The following TRPC5 variants were observed in gnomAD, a reference collection of about 807,000 sequenced individuals.
TRPC5 encodes short transient receptor potential channel 5.
Under a neutral mutation model 56.5 loss-of-function variants are expected in TRPC5, and 9 were observed. The observed-to-expected ratio is 0.16, with a 90% CI of 0.10 to 0.28. The LOEUF (loss-of-function observed/expected upper bound fraction) is 0.28. TRPC5 is among the 10% of genes least tolerant of loss of function. TRPC5 has a pLI of 1.00. For synonymous variants in TRPC5, 282 were observed against 278.5 expected, an observed-to-expected ratio of 1.01 and a Z score of -0.13; for missense variants, 469 against 748.9, an observed-to-expected ratio of 0.63 and a Z score of 4.36.
At chrX:112,034,316 GTT>G (rs796144559) in intron 1 of TRPC5, among the ~76,000 whole-genome samples, 1 of 86,655 alleles carries the variant, frequency 1.2e-5, no homozygotes, top group Non-Finnish European at 2.3e-5. Flanking sequence ...ATCATTTTTT[GTT>G]TTTTTTTTTT....
At chrX:111,959,808 C>A (rs1285368149) in intron 1 of TRPC5, among the ~76,000 whole-genome samples, 1 of 111,656 alleles carries the variant, frequency 9.0e-6, no homozygotes, top group Non-Finnish European at 1.9e-5. Flanking sequence ...CTCCTCTCCA[C>A]AATGACATTT....
rs1930985488 is a variant in TRPC5, at chrX:112,082,143, T to C, written c.-286A>G. On this transcript the variant is annotated 5_prime_UTR_variant, in exon 1 of 11. Transcript: ENST00000262839. ...TATTGCCAAACTTGCCTGTAACAGA[T>C]CGGCCCTCCTCACCTTTCACCTTCG... is the stretch of plus-strand genomic sequence containing the variant. The C allele has an allele frequency of 9.0e-6, 1 of 111,358 alleles. No homozygotes were observed. The highest frequency in any genetic ancestry group is 3.3e-5 in the African/African-American group (1 of 30,518). The allele number at this position is 111,358 out of a possible 1,213,427, so 9.2% of individuals were successfully genotyped here. A position where few individuals can be genotyped will look rare whatever the true frequency, so the allele number is the denominator to read the frequency against.
Position 111,847,096 on chromosome X carries a change from G to A in TRPC5, c.1700+18C>T, listed in dbSNP as rs774074175. 7 of 1,174,009 alleles carry A rather than the reference G, an allele frequency of 6.0e-6. No homozygotes were observed. In the Admixed American group the frequency reaches 1.8e-4, roughly 31 times the overall value. ...CAAAAAAAAAAATAAATAAATAAAG[G>A]AAAGGGGATCGTCTTACGTGGAGAA... On this transcript the variant is annotated intron_variant, in intron 6 of 10. Transcript: ENST00000262839.
intron 1 of TRPC5, among the ~76,000 whole-genome samples, chrX:111,958,877 C>A (rs777355004): frequency 1.8e-5 from 2 of 112,152 alleles, no homozygotes; most frequent in African/African-American, 6.5e-5. Flanking sequence ...CTTCAGAAAC[C>A]ACACACAGAG....
chrX:111,996,809 TTTTTGTTTTG>T (rs201035960), intron 1 of TRPC5, among the ~76,000 whole-genome samples: 11 of 111,455 alleles, frequency 9.9e-5, no homozygotes, highest in South Asian at 3.8e-4. Context: ...ACCCCTGCTT[TTTTTGTTTTG>T]TTTTGTTTTG....
At chrX:111,861,725 A>T (rs1603061688) in intron 3 of TRPC5, among the ~76,000 whole-genome samples, 1 of 111,719 alleles carries the variant, frequency 9.0e-6, no homozygotes, top group South Asian at 3.7e-4. Flanking sequence ...TCGGAAGATG[A>T]GTACTTAGGT....
intron 7 of TRPC5, among the ~76,000 whole-genome samples, chrX:111,820,595 G>T (rs1922002037): frequency 8.9e-6 from 1 of 111,799 alleles, no homozygotes. Flanking sequence ...TACTGCCTAT[G>T]ACCGATTTTG....
chrX:111,905,872 G>A lies in TRPC5; in HGVS notation c.900+6419C>T, dbSNP rs747715794. Among the ~76,000 whole-genome samples, 111 of 99,344 alleles carry A rather than the reference G, an allele frequency of 1.1e-3. No homozygotes were observed. The South Asian group carries it at 0.044, about 40-fold the overall frequency. 86.3% of individuals were successfully genotyped at this position (99,344 alleles called of 115,157 possible). A position where few individuals can be genotyped will look rare whatever the true frequency, so the allele number is the denominator to read the frequency against. ...GGAGCTTGCAGTGAGCCAAGATCGT[G>A]CCACTGCACTCCAGCCTGGGCGACA... On this transcript the variant is annotated intron_variant, in intron 3 of 10. Transcript: ENST00000262839.
chrX:111,944,304 G>GTGTGTGTGTGTGAA (rs1556592186), intron 2 of TRPC5, among the ~76,000 whole-genome samples: 12 of 70,251 alleles, frequency 1.7e-4, no homozygotes, highest in African/African-American at 7.3e-4. Flanking sequence ...GTGTGTGTGT[G>GTGTGTGTGTGTGAA]AGAGAGAGAG....
chrX:112,061,045 A>G (rs1930448311), intron 1 of TRPC5, among the ~76,000 whole-genome samples: 2 of 112,058 alleles, frequency 1.8e-5, no homozygotes, highest in Admixed American at 9.4e-5. Flanking sequence ...CTTCTTTCCA[A>G]TGTTGGGGAT....
chrX:111,905,796 T>C (rs375228017), intron 3 of TRPC5, among the ~76,000 whole-genome samples: 1 of 108,043 alleles, frequency 9.3e-6, no homozygotes, highest in African/African-American at 3.4e-5. Context: ...GCGCCTGTAG[T>C]CCCAGCTACT....
chrX:111,777,355 A>G (rs942662978), intron 10 of TRPC5, among the ~76,000 whole-genome samples: 3 of 111,167 alleles, frequency 2.7e-5, no homozygotes. Flanking sequence ...TAAAAGGACT[A>G]CTGAAGAGGA....
At chrX:112,077,922 G>A (rs1930872324) in intron 1 of TRPC5, among the ~76,000 whole-genome samples, 1 of 111,337 alleles carries the variant, frequency 9.0e-6, no homozygotes. Context: ...GCATGTTTGT[G>A]TGTGTGTGCA....
Position 111,852,340 on chromosome X carries a change from G to A in TRPC5, c.1335C>T (p.Leu445=). 8.3e-7 allele frequency: 1 copy of A among 1,210,459 alleles called. No individual in the cohort carries two copies. The highest frequency in any genetic ancestry group is 1.1e-6 in the Non-Finnish European group (1 of 894,392). Residue 445 remains leucine (L), a synonymous_variant, in exon 5 of 11, where the codon CTC becomes CTT. Transcript: ENST00000262839. ...TCTTCAGGGAAATAGTTGCCAGGTAGAGGGAGTTCATTGCAAAATCCATCA... is the reference window on the plus strand; with the variant it reads ...TCTTCAGGGAAATAGTTGCCAGGTAAAGGGAGTTCATTGCAAAATCCATCA... ...WNLMDFAMNS[L]YLATISLKIV...
At chrX:111,883,212 G>A (rs747615954) in intron 3 of TRPC5, among the ~76,000 whole-genome samples, 1 of 112,389 alleles carries the variant, frequency 8.9e-6, no homozygotes, top group Non-Finnish European at 1.9e-5. Context: ...TGTTGCCCAA[G>A]TCTAGTTTTG....
chrX:111,788,093 G>A (rs759610524), intron 7 of TRPC5, among the ~76,000 whole-genome samples: 4 of 111,314 alleles, frequency 3.6e-5, no homozygotes, highest in South Asian at 7.7e-4. Flanking sequence ...TACCAAAGCC[G>A]GGCAGAGATA....
intron 3 of TRPC5, among the ~76,000 whole-genome samples, chrX:111,890,718 T>A (rs1018742375): frequency 8.9e-5 from 10 of 112,011 alleles, no homozygotes; most frequent in African/African-American, 2.9e-4. Flanking sequence ...AAATAAAAAA[T>A]TTTAACTTTT....
At chrX:112,051,318 A>G (rs1276920733) in intron 1 of TRPC5, among the ~76,000 whole-genome samples, 1 of 112,110 alleles carries the variant, frequency 8.9e-6, no homozygotes, top group East Asian at 2.8e-4. Context: ...CCACAGAGGC[A>G]TTACCACAGC....
chrX:111,820,764 A>C (rs1922006949), intron 7 of TRPC5, among the ~76,000 whole-genome samples: 1 of 111,860 alleles, frequency 8.9e-6, no homozygotes, highest in African/African-American at 3.2e-5. Context: ...ATATTCCGGG[A>C]AGTCTTATAC....
Sources: allele counts gnomAD v4.1 joint callset (sites outside exome capture counted in the v4.1 genomes callset), GRCh38; gene constraint gnomAD v4.1.1; transcripts MANE v1.5; gene names NCBI Gene and HGNC (gene_info 2026-07-23, HGNC 2026-07-21).